The following MCMBP variants were observed in gnomAD, a reference collection of about 807,000 sequenced individuals.
MCMBP encodes the protein minichromosome maintenance complex binding protein.
Under a neutral mutation model 81.3 loss-of-function variants are expected in MCMBP, and 31 were observed. The observed-to-expected ratio is 0.38, with a 90% CI of 0.29 to 0.51. The LOEUF is 0.51. MCMBP is among the 20% of genes least tolerant of loss of function. The probability of loss-of-function intolerance (pLI) is 0.87; values close to 1 mark genes in which losing one functional copy is unlikely to be tolerated. For missense variants in MCMBP, 645 were observed against 772.1 expected, an observed-to-expected ratio of 0.84 and a Z score of 1.95; for synonymous variants, 267 against 275.9, an observed-to-expected ratio of 0.97 and a Z score of 0.32.
Position 119,842,552 on chromosome 10 carries a change from T to C in MCMBP, c.1044A>G (p.Glu348=). 1 of 1,613,886 alleles carries C rather than the reference T, an allele frequency of 6.2e-7. No homozygotes were observed. Among genetic ancestry groups the C allele is most frequent in the Non-Finnish European group, 8.5e-7 (1 of 1,179,880 alleles). Residue 348 remains glutamate (E), a synonymous_variant, in exon 10 of 16, where the codon GAA becomes GAG. Transcript: ENST00000369077. ...FMSELSPVRA[E]LLGFLTHALL... ...GGGCATGAGTAAGGAACCCAAGAAGTTCTGCTCTGACTGGAGACAATTCGG... is the reference window on the plus strand; with the variant it reads ...GGGCATGAGTAAGGAACCCAAGAAGCTCTGCTCTGACTGGAGACAATTCGG...
At chr10:119,861,146 C>A (rs1271189667) in intron 1 of MCMBP, among the ~76,000 whole-genome samples, 1 of 152,164 alleles carries the variant, frequency 6.6e-6, no homozygotes, top group East Asian at 1.9e-4. Flanking sequence ...AATAAAAAGT[C>A]TACACTTGTT....
rs1476783645 is a variant in MCMBP at position 119,836,844 on chromosome 10, T to C, written c.1542+52A>G. 2.9e-6 allele frequency: 4 copies of C among 1,385,822 alleles called. No homozygotes were observed. The African/African-American group carries it at 6.0e-5, about 21-fold the overall frequency. The allele number at this position is 1,385,822 out of a possible 1,614,324, so 85.8% of individuals were successfully genotyped here. A position where few individuals can be genotyped will look rare whatever the true frequency, so the allele number is the denominator to read the frequency against. On this transcript the variant is annotated intron_variant, in intron 13 of 15. Transcript: ENST00000369077. ...GCGGTACCAAGAAACAGCAAAAATGTAGGTATTTTTCCAATGTCAACCTCC... is the reference window on the plus strand; with the variant it reads ...GCGGTACCAAGAAACAGCAAAAATGCAGGTATTTTTCCAATGTCAACCTCC...
intron 12 of MCMBP, among the ~76,000 whole-genome samples, chr10:119,838,113 A>G (rs1463209010): frequency 6.6e-6 from 1 of 151,838 alleles, no homozygotes; most frequent in Non-Finnish European, 1.5e-5. Flanking sequence ...CGCTGACACA[A>G]TAAAACTTTT....
chr10:119,838,247 T>C (rs188820040), intron 12 of MCMBP, among the ~76,000 whole-genome samples: 6 of 148,228 alleles, frequency 4.0e-5, no homozygotes, highest in African/African-American at 1.5e-4. Context: ...TAATATATGA[T>C]ATATATTAAA....
At chr10:119,843,086 G>A (rs1589782031) in intron 9 of MCMBP, 168 bp downstream of exon 9, 1 of 728,490 alleles carries the variant, frequency 1.4e-6, no homozygotes, top group Admixed American at 2.1e-5. Flanking sequence ...TCAGTGAAGA[G>A]AATTAATGTA....
intron 5 of MCMBP, among the ~76,000 whole-genome samples, chr10:119,853,610 A>G (rs1329489748): frequency 6.6e-6 from 1 of 152,218 alleles, no homozygotes; most frequent in Non-Finnish European, 1.5e-5. Context: ...GGGCTAGTGA[A>G]GCAACTGGAA....
chr10:119,863,602 G>T (rs1465505193), intron 1 of MCMBP, among the ~76,000 whole-genome samples: 1 of 151,654 alleles, frequency 6.6e-6, no homozygotes, highest in Non-Finnish European at 1.5e-5. Context: ...GGTGGCACAC[G>T]CCTGTAATCC....
chr10:119,866,576 A>G (rs1456909212), intron 1 of MCMBP, among the ~76,000 whole-genome samples: 3 of 152,124 alleles, frequency 2.0e-5, no homozygotes, highest in Admixed American at 2.0e-4. Flanking sequence ...CAGTGAGCCA[A>G]GTTTGCACCA....
chr10:119,873,493 G>C (rs907787239), upstream of MCMBP: 17 of 152,260 alleles, frequency 1.1e-4, no homozygotes, highest in African/African-American at 3.9e-4. Flanking sequence ...ACACCGGGTC[G>C]GCGTCTGTCT....
In MCMBP at chr10:119,872,654, G is replaced by A. The variant is rs1853735361; in HGVS notation, c.-70C>T. On this transcript the variant is annotated 5_prime_UTR_variant, in exon 1 of 16. Coordinates refer to ENST00000369077, the MANE Select transcript of MCMBP (RefSeq NM_001256378.2). ...GCGGGCCGAGCGCGGCCGGGCGGCC[G>A]GCGCCCAGCTCCTCTTCAGCGGCTC... 7.0e-6 allele frequency: 6 copies of A among 856,428 alleles called. No individual in the cohort carries two copies. The highest frequency in any genetic ancestry group is 4.8e-4 in the Middle Eastern group (1 of 2,098). The allele number at this position is 856,428 out of a possible 1,614,324, so 53.1% of individuals were successfully genotyped here.
chr10:119,859,647 A>T lies in MCMBP; in HGVS notation c.144+152T>A, dbSNP rs574417632. The T allele has an allele frequency of 2.6e-4, 144 of 557,374 alleles. No homozygotes were observed. In the Middle Eastern group the frequency reaches 3.9e-3, roughly 15 times the overall value. 34.5% of individuals were successfully genotyped at this position (557,374 alleles called of 1,614,324 possible). A position where few individuals can be genotyped will look rare whatever the true frequency, so the allele number is the denominator to read the frequency against. ...ATTTACATGCTTAAACTTAATTAGC[A>T]AAAGACCAAAATCTTTTAATACAAA... On this transcript the variant is annotated intron_variant, in intron 2 of 15. Coordinates refer to ENST00000369077, the MANE Select transcript of MCMBP (RefSeq NM_001256378.2).
intron 9 of MCMBP, chr10:119,842,943 G>A (rs1015659999): frequency 3.4e-5 from 13 of 378,654 alleles, no homozygotes; most frequent in Non-Finnish European, 6.1e-5. Context: ...AGTAGAGCCA[G>A]GGTTTCACTA....
At chr10:119,836,789 TTTTTTAC>T in intron 13 of MCMBP, 100 bp downstream of exon 13, 1 of 291,786 alleles carries the variant, frequency 3.4e-6, no homozygotes, top group Non-Finnish European at 5.7e-6. Context: ...TTTTTTTTTT[TTTTTTAC>T]AACAAATGTA....
chr10:119,872,480 G>T, intron 1 of MCMBP, 47 bp downstream of exon 1: 1 of 1,131,990 alleles, frequency 8.8e-7, no homozygotes, highest in Non-Finnish European at 1.1e-6. Context: ...CCGGGGCCCG[G>T]CAAACTCGGC....
intron 13 of MCMBP, among the ~76,000 whole-genome samples, chr10:119,836,037 T>A (rs895983370): frequency 6.6e-6 from 1 of 152,194 alleles, no homozygotes; most frequent in Non-Finnish European, 1.5e-5. Flanking sequence ...TTTCGTCATG[T>A]TGTCCAGGCT....
At chr10:119,864,619 T>G (rs527452331) in intron 1 of MCMBP, among the ~76,000 whole-genome samples, 4 of 152,248 alleles carry the variant, frequency 2.6e-5, no homozygotes, top group African/African-American at 7.2e-5. Flanking sequence ...TCACTGATTT[T>G]TTCTTTTTTT....
At chr10:119,859,665 A>T in intron 2 of MCMBP, 134 bp downstream of exon 2, 1 of 592,986 alleles carries the variant, frequency 1.7e-6, no homozygotes, top group Non-Finnish European at 2.8e-6. Context: ...AAAATCTTTT[A>T]ATACAAATGT....
chr10:119,843,190 G>A, intron 9 of MCMBP, 64 bp downstream of exon 9: 1 of 1,578,568 alleles, frequency 6.3e-7, no homozygotes, highest in Non-Finnish European at 8.7e-7. Context: ...GCACGTTACA[G>A]GCAGCTCTGG....
chr10:119,833,521 A>C (rs978722173), intron 14 of MCMBP, among the ~76,000 whole-genome samples: 1 of 151,786 alleles, frequency 6.6e-6, no homozygotes, highest in Non-Finnish European at 1.5e-5. Context: ...AAACAAAAAA[A>C]CAAAACTTTA....
Sources: allele counts gnomAD v4.1 joint callset (sites outside exome capture counted in the v4.1 genomes callset), GRCh38; gene constraint gnomAD v4.1.1; transcripts MANE v1.5; gene names NCBI Gene and HGNC (gene_info 2026-07-23, HGNC 2026-07-21).